The following GON4L variants were observed in gnomAD, a reference collection of about 807,000 sequenced individuals.
GON4L encodes the protein GON-4-like protein.
In GON4L, 87 loss-of-function variants were observed where a neutral mutation model predicts 211.8. The observed-to-expected ratio is 0.41, with a 90% CI of 0.35 to 0.49. GON4L has a LOEUF of 0.49. Among genes scored for constraint, GON4L ranks in the 20% least tolerant of loss-of-function variants. The pLI, the probability that GON4L is intolerant of heterozygous loss-of-function variation, is 0.15. For missense variants in GON4L, 2,155 were observed against 2,659.5 expected (o/e 0.81, Z 4.17); for synonymous variants, 875 against 962.6 (o/e 0.91, Z 1.68).
chr1:155,779,505 C>T (rs1664193860), intron 14 of GON4L, among the ~76,000 whole-genome samples: 1 of 151,480 alleles, frequency 6.6e-6, no homozygotes, highest in African/African-American at 2.4e-5. Context: ...TTAGTAGAGA[C>T]GGGGTTTCAT....
chr1:155,825,471 C>T (rs568830693), intron 3 of GON4L, among the ~76,000 whole-genome samples: 2 of 151,502 alleles, frequency 1.3e-5, no homozygotes, highest in Non-Finnish European at 2.9e-5. Flanking sequence ...ACCCAGGAGG[C>T]TGAGGCAGGA....
chr1:155,812,203 G>T (rs556627331), intron 10 of GON4L, among the ~76,000 whole-genome samples: 1 of 152,238 alleles, frequency 6.6e-6, no homozygotes, highest in South Asian at 2.1e-4. Context: ...CAGGGATCAC[G>T]TGCCTTCTGA....
intron 2 of GON4L, 116 bp downstream of exon 2, chr1:155,853,160 A>G (rs1671965664): frequency 1.0e-6 from 1 of 995,438 alleles, no homozygotes; most frequent in South Asian, 1.3e-5. Flanking sequence ...AGCAGTTCCA[A>G]TTCCGTACCA....
intron 2 of GON4L, among the ~76,000 whole-genome samples, chr1:155,851,355 A>G (rs1671779449): frequency 6.7e-6 from 1 of 148,804 alleles, no homozygotes; most frequent in Non-Finnish European, 1.5e-5. Context: ...CTACGTCTCA[A>G]AAAAAAAAAA....
intron 11 of GON4L, 84 bp downstream of exon 11, chr1:155,804,865 T>C: frequency 1.1e-6 from 1 of 908,994 alleles, no homozygotes; most frequent in Non-Finnish European, 1.9e-6. Flanking sequence ...ACCCAAACCA[T>C]TCCATTCTAT....
Position 155,784,020 on chromosome 1 carries a change from G to A in GON4L, c.1858C>T (p.Pro620Ser), listed in dbSNP as rs777786290. The A allele has an allele frequency of 3.8e-5, 61 of 1,613,872 alleles. 2 individuals are homozygous for A. Among genetic ancestry groups the A allele is most frequent in the Middle Eastern group, 3.3e-4 (2 of 6,084 alleles). ...TGAGGGGTGTTAAAGTTAGGACGAG[G>A]CTCAGCTACACACTCCTCCTCTTCT... Reference protein sequence around the residue: ...GPEEEECVAEPRPNFNTPQAL... With the variant: ...GPEEEECVAESRPNFNTPQAL... The change falls in exon 14 of 32, where the codon CCT becomes TCT. Residue 620 changes from proline to serine, a missense_variant. Physicochemically the swap from Pro to Ser is moderately conservative, Grantham distance 74 (BLOSUM62 -1). This residue lies in a region of GON4L where 551 missense variants were observed against 854.0 expected (regional missense o/e 0.65). Coordinates refer to ENST00000368331, the MANE Select transcript of GON4L (RefSeq NM_001282860.2).
chr1:155,765,275 C>G lies in GON4L; in HGVS notation c.4198G>C (p.Gly1400Arg). 6.2e-7 allele frequency: 1 copy of G among 1,614,040 alleles called. No individual in the cohort carries two copies. Among genetic ancestry groups the G allele is most frequent in the Non-Finnish European group, 8.5e-7 (1 of 1,179,890 alleles). Residue 1400 changes from glycine to arginine, a missense_variant, in exon 21 of 32, where the codon GGA (glycine) becomes CGA (arginine). This residue lies in a region of GON4L where 615 missense variants were observed against 625.7 expected (regional missense o/e 0.98). Transcript: ENST00000368331. ...TTGTTCACATCTGTCCCTGAGGTTC[C>G]TTCATCAGGGGGCTCTTGAGAAGAT... is the stretch of plus-strand genomic sequence containing the variant. ...PSSSQEPPDE[G>R]TSGTDVNKGS...
At chr1:155,857,705 A>G (rs1023341678), upstream of GON4L, among the ~76,000 whole-genome samples, 1 of 149,856 alleles carries the variant, frequency 6.7e-6, no homozygotes, top group Admixed American at 6.7e-5. Flanking sequence ...CTCCAACCTG[A>G]GCGACAGTGA....
intron 18 of GON4L, 86 bp from the exon 19 acceptor site, chr1:155,771,303 T>G: frequency 6.3e-7 from 1 of 1,576,650 alleles, no homozygotes; most frequent in Non-Finnish European, 8.7e-7. Flanking sequence ...TACAATCTAC[T>G]CTTTCATTTT....
rs1662069837 is a variant in GON4L at position 155,763,579 on chromosome 1, A to G, written c.4474-15T>C. 1 of 1,533,754 alleles carries G rather than the reference A, an allele frequency of 6.5e-7. No homozygotes were observed. Among genetic ancestry groups the G allele is most frequent in the South Asian group, 1.2e-5 (1 of 82,860 alleles). On this transcript the variant is annotated splice_polypyrimidine_tract_variant and intron_variant, in intron 21 of 31. Coordinates refer to ENST00000368331, the MANE Select transcript of GON4L (RefSeq NM_001282860.2). ...TCCATTGTTTCCTGTAAAACCCTCCAAAGAGTACTTATAATGGCTCTTAGT... is the reference window on the plus strand; with the variant it reads ...TCCATTGTTTCCTGTAAAACCCTCCGAAGAGTACTTATAATGGCTCTTAGT...
Position 155,752,608 on chromosome 1 carries a change from G to A in GON4L, c.5843-18C>T. 1.3e-6 allele frequency: 2 copies of A among 1,567,462 alleles called. No homozygotes were observed. The highest frequency in any genetic ancestry group is 1.7e-6 in the Non-Finnish European group (2 of 1,155,858). On this transcript the variant is annotated intron_variant, in intron 29 of 31. Transcript: ENST00000368331. ...CAATCCTGCTTAGGAGGAAAATAAG[G>A]ATCTCAGGGTACTGTCAGGTTCAAG...
intron 16 of GON4L, 99 bp from the exon 17 acceptor site, chr1:155,775,272 G>A: frequency 6.8e-7 from 1 of 1,471,934 alleles, no homozygotes; most frequent in Non-Finnish European, 9.5e-7. Context: ...CCTACTACAG[G>A]ATAAAAACAG....
intron 13 of GON4L, 133 bp downstream of exon 13, chr1:155,785,201 C>T: frequency 1.3e-6 from 1 of 769,594 alleles, no homozygotes; most frequent in Non-Finnish European, 2.4e-6. Context: ...ATATTCTTTC[C>T]CAGGTAGACT....
intron 12 of GON4L, among the ~76,000 whole-genome samples, chr1:155,791,726 G>GT (rs1665583308): frequency 1.3e-5 from 2 of 151,848 alleles, no homozygotes; most frequent in Admixed American, 6.6e-5. Context: ...AAATTAGCTG[G>GT]GCGTGGTGGC....
intron 24 of GON4L, among the ~76,000 whole-genome samples, chr1:155,760,184 G>C (rs2101682148): frequency 6.6e-6 from 1 of 151,986 alleles, no homozygotes; most frequent in East Asian, 1.9e-4. Flanking sequence ...CCAGTGAGAA[G>C]CAGAGAGCAT....
chr1:155,746,623 T>C, downstream of GON4L: 1 of 567,220 alleles, frequency 1.8e-6, no homozygotes, highest in Non-Finnish European at 2.9e-6. Context: ...GTACAGGTAG[T>C]TTGAGCTCCC....
rs143003937 is a variant in GON4L at position 155,765,327 on chromosome 1, C to T, written c.4146G>A (p.Glu1382=). 2.5e-6 allele frequency: 4 copies of T among 1,614,082 alleles called. No homozygotes were observed. Among genetic ancestry groups the T allele is most frequent in the South Asian group, 1.1e-5 (1 of 91,090 alleles). ...TKQTVLQKEE[E]RSQPTKTPSS... ...AAGGGGTTTTAGTTGGCTGACTCCT[C>T]TCCTCTTCCTTCTGTAAGACTGTCT... The change falls in exon 21 of 32, where the codon GAG becomes GAA. Residue 1382 remains glutamate (E), a synonymous_variant. Coordinates refer to ENST00000368331, the MANE Select transcript of GON4L (RefSeq NM_001282860.2).
chr1:155,849,585 C>G (rs1671581690), intron 2 of GON4L, among the ~76,000 whole-genome samples: 1 of 148,160 alleles, frequency 6.7e-6, no homozygotes, highest in African/African-American at 2.5e-5. Flanking sequence ...ACCAGCCTGA[C>G]CAACATGGTG....
intron 12 of GON4L, among the ~76,000 whole-genome samples, chr1:155,787,717 G>A (rs990889968): frequency 6.6e-6 from 1 of 152,134 alleles, no homozygotes; most frequent in Admixed American, 6.5e-5. Context: ...AGGTTGCACT[G>A]AGCCAATACA....
Sources: allele counts gnomAD v4.1 joint callset (sites outside exome capture counted in the v4.1 genomes callset), GRCh38; gene constraint gnomAD v4.1.1; regional missense constraint gnomAD v4.1.1; transcripts MANE v1.5; gene names NCBI Gene and HGNC (gene_info 2026-07-23, HGNC 2026-07-21).